Variants in RAB28 observed in about 807,000 individuals in gnomAD.
RAB28 encodes RAB28, member RAS oncogene family.
RAB28 carries 24 observed loss-of-function variants against 31.7 expected under a neutral mutation model. That is an observed-to-expected ratio of 0.76 (90% CI 0.55 to 1.06). The LOEUF (loss-of-function observed/expected upper bound fraction) is 1.06. Ranked by LOEUF, RAB28 falls within the 50% of genes least tolerant of loss-of-function variation. The pLI, the probability that RAB28 is intolerant of heterozygous loss-of-function variation, is 0.00. For missense variants in RAB28, 254 were observed against 258.5 expected (o/e 0.98, Z 0.12); for synonymous variants, 100 against 90.4 (o/e 1.11, Z -0.60).
At chr4:13,396,485 T>C (rs1223599191) in intron 4 of RAB28, among the ~76,000 whole-genome samples, 2 of 152,074 alleles carry the variant, frequency 1.3e-5, no homozygotes, top group Non-Finnish European at 1.5e-5. Flanking sequence ...TAGTAAATCA[T>C]GCCATATTAG....
At chr4:13,441,042 A>C (rs1714387047) in intron 4 of RAB28, among the ~76,000 whole-genome samples, 1 of 151,824 alleles carries the variant, frequency 6.6e-6, no homozygotes, top group Non-Finnish European at 1.5e-5. Flanking sequence ...GGAAGGAAAA[A>C]ATCCTTGATT....
intron 4 of RAB28, among the ~76,000 whole-genome samples, chr4:13,393,730 A>G (rs1442587203): frequency 6.6e-6 from 1 of 151,844 alleles, no homozygotes; most frequent in African/African-American, 2.4e-5. Context: ...AAAATAGAAG[A>G]TGGCAAGTTT....
chr4:13,413,926 C>G (rs1408149465), intron 4 of RAB28, among the ~76,000 whole-genome samples: 1 of 152,176 alleles, frequency 6.6e-6, no homozygotes, highest in East Asian at 1.9e-4. Context: ...CAGAGGGAAA[C>G]TACAGATTAC....
chr4:13,477,647 TA>T (rs60423648), intron 2 of RAB28, among the ~76,000 whole-genome samples: 8,773 of 148,048 alleles, frequency 0.059, 574 homozygotes, highest in African/African-American at 0.17. Flanking sequence ...CCAACTGCCT[TA>T]AAAAAAAAAT....
Position 13,391,904 on chromosome 4 carries a change from G to A in RAB28, c.392-10310C>T, listed in dbSNP as rs540154099. 6.4e-4 allele frequency among the ~76,000 whole-genome samples: 98 copies of A among 151,980 alleles called. 1 individual carries two copies. The highest frequency in any genetic ancestry group is 7.2e-4 in the Non-Finnish European group (49 of 67,972). On this transcript the variant is annotated intron_variant, in intron 4 of 6. Coordinates refer to ENST00000330852, the MANE Select transcript of RAB28 (RefSeq NM_001017979.3). ...GGAACATCACACACCGGGGCCTGTC[G>A]GGAGGTGGGGGGCTGGGGGAGGGAT...
At chr4:13,477,769 A>C (rs1716429624) in intron 2 of RAB28, among the ~76,000 whole-genome samples, 2 of 151,486 alleles carry the variant, frequency 1.3e-5, no homozygotes, top group South Asian at 4.1e-4. Context: ...CTAATTACTA[A>C]GTCTAAAATA....
At chr4:13,375,417 ACTCT>A (rs1321410063) in intron 6 of RAB28, among the ~76,000 whole-genome samples, 1 of 152,136 alleles carries the variant, frequency 6.6e-6, no homozygotes, top group Non-Finnish European at 1.5e-5. Context: ...ATAATCATAG[ACTCT>A]CTAACTAAGC....
chr4:13,378,658 C>T (rs1729012838), intron 5 of RAB28, among the ~76,000 whole-genome samples: 1 of 152,088 alleles, frequency 6.6e-6, no homozygotes, highest in South Asian at 2.1e-4. Flanking sequence ...AAGCAATATC[C>T]TTGATTCAGC....
rs181853191 is a variant in RAB28, at chr4:13,442,895, C to T, written c.391+17804G>A. On this transcript the variant is annotated intron_variant, in intron 4 of 6. Transcript: ENST00000330852. ...CAGTCACACAGTTAGTAACTGAACC[C>T]GTATCAGAATTGATGTGGTCTTGAT... Among the ~76,000 whole-genome samples, 9 of 152,242 alleles carry T rather than the reference C, an allele frequency of 5.9e-5. No individual in the cohort carries two copies. In the East Asian group the frequency reaches 9.7e-4, roughly 16 times the overall value.
chr4:13,437,414 AGAGT>A (rs1173137258), intron 4 of RAB28, among the ~76,000 whole-genome samples: 3 of 152,188 alleles, frequency 2.0e-5, no homozygotes, highest in African/African-American at 7.2e-5. Flanking sequence ...AACTATCTAC[AGAGT>A]AAGTAGGCAA....
chr4:13,373,263 T>G (rs183131585), intron 6 of RAB28, among the ~76,000 whole-genome samples: 1 of 151,372 alleles, frequency 6.6e-6, no homozygotes, highest in Admixed American at 6.6e-5. Context: ...TAAAGGTCTA[T>G]GTACTTTGCA....
chr4:13,393,482 A>T (rs1729736011), intron 4 of RAB28, among the ~76,000 whole-genome samples: 1 of 152,204 alleles, frequency 6.6e-6, no homozygotes, highest in Non-Finnish European at 1.5e-5. Flanking sequence ...TATATATATA[A>T]GCACAAAAAG....
At chr4:13,395,310 T>A (rs575868368) in intron 4 of RAB28, among the ~76,000 whole-genome samples, 1 of 152,234 alleles carries the variant, frequency 6.6e-6, no homozygotes, top group East Asian at 1.9e-4. Flanking sequence ...CTTTGCCTCA[T>A]CACTTGATTA....
chr4:13,404,141 G>A (rs1463607443), intron 4 of RAB28, among the ~76,000 whole-genome samples: 1 of 152,196 alleles, frequency 6.6e-6, no homozygotes, highest in Non-Finnish European at 1.5e-5. Flanking sequence ...CACTGTGGGA[G>A]GCCAAGGCGG....
chr4:13,386,892 T>TG (rs2108886907), intron 4 of RAB28, among the ~76,000 whole-genome samples: 1 of 152,252 alleles, frequency 6.6e-6, no homozygotes, highest in Admixed American at 6.5e-5. Context: ...GCAGTACATA[T>TG]GCACCATAGA....
chr4:13,444,638 T>C (rs114529282), intron 4 of RAB28, among the ~76,000 whole-genome samples: 2,347 of 152,352 alleles, frequency 0.015, 67 homozygotes, highest in African/African-American at 0.053. Flanking sequence ...CAAGGGTTCC[T>C]TTTTCTTCAC....
At chr4:13,452,933 C>T (rs910651721) in intron 4 of RAB28, among the ~76,000 whole-genome samples, 2 of 151,948 alleles carry the variant, frequency 1.3e-5, no homozygotes, top group African/African-American at 4.8e-5. Flanking sequence ...ATAATATTTG[C>T]TTTAAATATT....
chr4:13,462,567 G>A (rs751701845), intron 3 of RAB28, among the ~76,000 whole-genome samples: 3 of 152,136 alleles, frequency 2.0e-5, no homozygotes, highest in Non-Finnish European at 4.4e-5. Context: ...GCATACTTCT[G>A]TTATGACCTT....
chr4:13,419,550 C>A (rs1380209272), intron 4 of RAB28, among the ~76,000 whole-genome samples: 3 of 152,194 alleles, frequency 2.0e-5, no homozygotes, highest in African/African-American at 7.2e-5. Context: ...AACAAACTGT[C>A]TCTAAGGAGC....
Sources: allele counts gnomAD v4.1 joint callset (sites outside exome capture counted in the v4.1 genomes callset), GRCh38; gene constraint gnomAD v4.1.1; transcripts MANE v1.5; gene names NCBI Gene and HGNC (gene_info 2026-07-23, HGNC 2026-07-21).